The following ZNF208 variants were observed in gnomAD, a reference collection of about 807,000 sequenced individuals.
ZNF208 encodes zinc finger protein 208.
Under a neutral mutation model 12.1 loss-of-function variants are expected in ZNF208, and 10 were observed. The observed-to-expected ratio is 0.83, with a 90% confidence interval of 0.51 to 1.40. ZNF208 has a LOEUF of 1.40. Ranked by LOEUF, ZNF208 falls within the 40% of genes most tolerant of loss-of-function variation. The pLI, the probability that ZNF208 is intolerant of heterozygous loss-of-function variation, is 0.00. For synonymous variants in ZNF208, 497 were observed against 488.4 expected (o/e 1.02, Z -0.23); for missense variants, 1,652 against 1,485.0 (o/e 1.11, Z -1.85).
At position 21,970,590 on chromosome 19, in the gene ZNF208, A is replaced by G. The variant is rs1473882536; in HGVS notation, c.*601T>C. On this transcript the variant is annotated 3_prime_UTR_variant, in exon 4 of 4. Coordinates refer to ENST00000397126, the MANE Select transcript of ZNF208 (RefSeq NM_007153.3). ...GTGAGGACCAGTTGAAGTCTTTATC[A>G]CATTCTTCACATTTGTAGGGCTTCT... 3.5e-6 allele frequency: 3 copies of G among 853,760 alleles called. No individual in the cohort carries two copies. Among genetic ancestry groups the G allele is most frequent in the Non-Finnish European group, 5.6e-6 (3 of 533,536 alleles). The allele number at this position is 853,760 out of a possible 1,614,324, so 52.9% of individuals were successfully genotyped here.
At chr19:21,952,635 A>G (rs1176321877) in intron 4 of ZNF208, among the ~76,000 whole-genome samples, 3 of 151,836 alleles carry the variant, frequency 2.0e-5, no homozygotes, top group Non-Finnish European at 4.4e-5. Flanking sequence ...CATCAGCAAA[A>G]AGGATATACA....
rs533335947 is a variant in ZNF208 at position 21,988,668 on chromosome 19, CTT to C, written c.130+113_130+114del. ...CCTGACCCCTTCTTCCAAATATACT[CTT>C]TTGTCTTTGTCTTTATTCTCACATT... On this transcript the variant is annotated intron_variant, in intron 2 of 3. Coordinates refer to ENST00000397126, the MANE Select transcript of ZNF208 (RefSeq NM_007153.3). 1.6e-3 allele frequency: 2,504 copies of C among 1,593,258 alleles called. 15 individuals are homozygous for C. Among genetic ancestry groups the C allele is most frequent in the South Asian group, 9.4e-3 (830 of 88,172 alleles).
At chr19:21,949,579 G>A (rs1174853622) in intron 4 of ZNF208, among the ~76,000 whole-genome samples, 1 of 152,008 alleles carries the variant, frequency 6.6e-6, no homozygotes, top group Non-Finnish European at 1.5e-5. Flanking sequence ...TCGCTAACTT[G>A]GGAACCTAAA....
intron 1 of ZNF208, among the ~76,000 whole-genome samples, chr19:22,001,713 A>C (rs1414147683): frequency 6.6e-6 from 1 of 151,798 alleles, no homozygotes; most frequent in African/African-American, 2.4e-5. Context: ...AACATGATGA[A>C]ACCCTGTCTC....
In ZNF208 at chr19:21,972,656, A is replaced by G. The variant is rs753499499; in HGVS notation, c.2378T>C (p.Ile793Thr). The part of the protein sequence containing the change: ...GKAFNRSAIL[I>T]KHKRIHTDEK... ...ATCAGTATGAATTCTCTTATGTTTA[A>G]TAAGGATTGCAGATCGGTTAAAAGC... Residue 793 changes from isoleucine to threonine, a missense_variant, in exon 4 of 4, where the codon ATT becomes ACT. By Grantham distance (89) the Ile-to-Thr change is moderately conservative. This residue lies in a region of ZNF208 where 1,239 missense variants were observed against 1,086.2 expected (regional missense o/e 1.14). Transcript: ENST00000397126. 3.1e-6 allele frequency: 5 copies of G among 1,609,462 alleles called. No homozygotes were observed. The highest frequency in any genetic ancestry group is 4.2e-6 in the Non-Finnish European group (5 of 1,178,836).
chr19:22,007,250 T>C (rs1297678149), intron 1 of ZNF208, among the ~76,000 whole-genome samples: 2 of 151,980 alleles, frequency 1.3e-5, no homozygotes, highest in South Asian at 2.1e-4. Context: ...CCGGGCACGG[T>C]GGCTCATGCC....
At chr19:21,940,582 A>G (rs1294254178) in intron 4 of ZNF208, 1 of 152,290 alleles carries the variant, frequency 6.6e-6, no homozygotes, top group African/African-American at 2.4e-5. Context: ...CTCTCTCTAT[A>G]TATATTTTGG....
chr19:21,989,018 T>C (rs1293013265), intron 1 of ZNF208, 109 bp from the exon 2 acceptor site: 18 of 1,379,718 alleles, frequency 1.3e-5, no homozygotes, highest in Non-Finnish European at 1.8e-5. Context: ...CTTATAAGCA[T>C]GACTGAAATT....
intron 3 of ZNF208, among the ~76,000 whole-genome samples, chr19:21,978,028 T>C (rs1970465217): frequency 6.6e-6 from 1 of 152,050 alleles, no homozygotes; most frequent in South Asian, 2.1e-4. Context: ...TCAAGATGCC[T>C]CCTCTTTGGG....
intron 4 of ZNF208, among the ~76,000 whole-genome samples, chr19:21,959,218 C>T (rs187741924): frequency 8.4e-4 from 128 of 152,154 alleles, no homozygotes; most frequent in African/African-American, 3.0e-3. Context: ...CCATCAGATA[C>T]TAATAAGTGA....
At chr19:21,997,765 T>C (rs1298799304) in intron 1 of ZNF208, 2 of 154,494 alleles carry the variant, frequency 1.3e-5, no homozygotes, top group Non-Finnish European at 2.8e-5. Flanking sequence ...TTTATAATGG[T>C]GACATGAAAA....
At chr19:21,999,080 TA>T (rs1247016208) in intron 1 of ZNF208, among the ~76,000 whole-genome samples, 1 of 27,254 alleles carries the variant, frequency 3.7e-5, no homozygotes, top group East Asian at 1.9e-3. Flanking sequence ...ATAAATTATA[TA>T]CCTATAATTT....
Position 21,973,760 on chromosome 19 carries a change from T to C in ZNF208, c.1274A>G (p.Tyr425Cys), listed in dbSNP as rs1970361236. Reference protein sequence around the residue: ...HEVIHTGEKPYKCEECGKAFN... With the variant: ...HEVIHTGEKPCKCEECGKAFN... ...AGCTTTGCCACATTCTTCACATTTG[T>C]AGGGTTTCTCTCCAGTATGAATGAC... The change falls in exon 4 of 4, where the codon TAC becomes TGC. Residue 425 changes from tyrosine (Y) to cysteine (C), a missense_variant. Tyr to Cys is a radical substitution (Grantham distance 194). Around this residue, in one of 3 missense-constraint regions of ZNF208, gnomAD observed 1,239 missense variants for 1,086.2 expected, o/e 1.14. Coordinates refer to ENST00000397126, the MANE Select transcript of ZNF208 (RefSeq NM_007153.3). 2 of 1,606,194 alleles carry C rather than the reference T, an allele frequency of 1.2e-6. No individual in the cohort carries two copies. Among genetic ancestry groups the C allele is most frequent in the African/African-American group, 1.3e-5 (1 of 74,762 alleles).
At chr19:21,991,820 ATGTGT>A (rs1279390302) in intron 1 of ZNF208, 8 of 152,000 alleles carry the variant, frequency 5.3e-5, no homozygotes, top group Non-Finnish European at 8.8e-5. Context: ...GATGGAATAG[ATGTGT>A]TGAGTTAGAA....
intron 4 of ZNF208, among the ~76,000 whole-genome samples, chr19:21,942,850 TA>T (rs2145509149): frequency 6.6e-6 from 1 of 152,160 alleles, no homozygotes; most frequent in East Asian, 1.9e-4. Flanking sequence ...GGGGTTTCAC[TA>T]TGTTGGCCAG....
intron 4 of ZNF208, among the ~76,000 whole-genome samples, chr19:21,959,459 C>T (rs1849003): frequency 0.61 from 93,155 of 152,066 alleles, 29,155 homozygotes; most frequent in African/African-American, 0.72. Context: ...TTTTCCATAT[C>T]GCTGTTATAA....
chr19:21,975,568 T>C (rs1970413754), intron 3 of ZNF208, among the ~76,000 whole-genome samples: 1 of 152,108 alleles, frequency 6.6e-6, no homozygotes, highest in Non-Finnish European at 1.5e-5. Flanking sequence ...CCTTTTTAAA[T>C]GTCCAAATCT....
At position 21,973,266 on chromosome 19, in the gene ZNF208, A is replaced by C. The variant is rs770170539; in HGVS notation, c.1768T>G (p.Phe590Val). 2.5e-6 allele frequency: 4 copies of C among 1,612,678 alleles called. No individual in the cohort carries two copies. Among genetic ancestry groups the C allele is most frequent in the Non-Finnish European group, 3.4e-6 (4 of 1,179,706 alleles). ...TTAATAAGAATTGCAGATTGGTTAAAAGCTTTGCCACATTCTTCACATTTG... is the reference window on the plus strand; with the variant it reads ...TTAATAAGAATTGCAGATTGGTTAACAGCTTTGCCACATTCTTCACATTTG... ...PYKCEECGKA[F>V]NQSAILIKHK... The change falls in exon 4 of 4, where the codon TTT (phenylalanine) becomes GTT (valine). Residue 590 changes from phenylalanine to valine, a missense_variant. Physicochemically the swap from Phe to Val is conservative, Grantham distance 50. Coordinates refer to ENST00000397126, the MANE Select transcript of ZNF208 (RefSeq NM_007153.3).
At chr19:21,992,163 A>G (rs960941010) in intron 1 of ZNF208, among the ~76,000 whole-genome samples, 4 of 152,222 alleles carry the variant, frequency 2.6e-5, no homozygotes, top group African/African-American at 7.2e-5. Flanking sequence ...AAGATACTTG[A>G]TGATGAAGAG....
Sources: gnomAD v4.1 joint callset for allele counts (sites outside exome capture counted in the v4.1 genomes callset) on GRCh38, gnomAD v4.1.1 for gene constraint, gnomAD v4.1.1 regional missense constraint, MANE v1.5 for transcripts, NCBI Gene and HGNC (gene_info 2026-07-23, HGNC 2026-07-21) for gene names.